AGGF1: variants seen among roughly 807,000 people sequenced by gnomAD.
The protein encoded by AGGF1 is angiogenic factor with G-patch and FHA domains 1.
A neutral mutation model predicts 86.5 loss-of-function variants in AGGF1; 56 were observed. The observed-to-expected ratio is 0.65, with a 90% CI of 0.52 to 0.81. AGGF1 has a LOEUF of 0.81. Among genes scored for constraint, AGGF1 ranks in the 30% least tolerant of loss-of-function variants. The probability of loss-of-function intolerance (pLI) is 0.00; values close to 1 mark genes in which losing one functional copy is unlikely to be tolerated. For synonymous variants in AGGF1, 313 were observed against 297.1 expected (o/e 1.05, Z -0.55); for missense variants, 816 against 850.9 (o/e 0.96, Z 0.51).
At chr5:77,051,290 A>G (rs1230330754) in intron 8 of AGGF1, among the ~76,000 whole-genome samples, 2 of 151,974 alleles carry the variant, frequency 1.3e-5, no homozygotes, top group Non-Finnish European at 2.9e-5. Flanking sequence ...AAAATTAGCC[A>G]GGTGTGGTGG....
chr5:77,059,025 A>G (rs1157313782), intron 11 of AGGF1, among the ~76,000 whole-genome samples: 1 of 152,186 alleles, frequency 6.6e-6, no homozygotes, highest in Non-Finnish European at 1.5e-5. Context: ...TGGGTTTTTT[A>G]AAAGTCTCTA....
chr5:77,062,350 G>A (rs1051380832), intron 13 of AGGF1, among the ~76,000 whole-genome samples: 2 of 152,194 alleles, frequency 1.3e-5, no homozygotes, highest in Non-Finnish European at 2.9e-5. Context: ...AGAAATAATA[G>A]ATGGATCAGT....
intron 9 of AGGF1, 27 bp from the exon 10 acceptor site, chr5:77,053,938 C>G (rs191193802): frequency 6.2e-7 from 1 of 1,611,654 alleles, no homozygotes; most frequent in Admixed American, 1.7e-5. Flanking sequence ...GTTTTGATTT[C>G]TGTTTTGTAA....
At chr5:77,034,320 A>G (rs1236051886) in intron 1 of AGGF1, 98 bp from the exon 2 acceptor site, 2 of 796,782 alleles carry the variant, frequency 2.5e-6, no homozygotes, top group East Asian at 2.6e-5. Flanking sequence ...TGCTCTTGAC[A>G]TTTCTCTAAA....
intron 5 of AGGF1, among the ~76,000 whole-genome samples, chr5:77,044,475 A>G (rs1747208272): frequency 6.6e-6 from 1 of 152,204 alleles, no homozygotes; most frequent in Non-Finnish European, 1.5e-5. Context: ...TAGGGGAGAT[A>G]GGAGTAAATA....
intron 10 of AGGF1, among the ~76,000 whole-genome samples, chr5:77,054,518 G>A (rs115271750): frequency 6.6e-6 from 1 of 152,138 alleles, no homozygotes; most frequent in Non-Finnish European, 1.5e-5. Context: ...AGACTGTAGT[G>A]GTAGTCAAAT....
In AGGF1 at chr5:77,055,677, A is replaced by G. The variant is rs542306116; in HGVS notation, c.1716+81A>G. The G allele has an allele frequency of 3.6e-4, 329 of 922,558 alleles. No homozygotes were observed. In the African/African-American group the frequency reaches 4.7e-3, roughly 13 times the overall value. The allele number at this position is 922,558 out of a possible 1,614,324, so 57.1% of individuals were successfully genotyped here. ...AAATGTCTTTAAATATGCTCAGTAC[A>G]TTTTATATATAAATAGTTGTGTAGT... On this transcript the variant is annotated intron_variant, in intron 11 of 13. Transcript: ENST00000312916.
At chr5:77,042,518 G>A (rs1355570278) in intron 5 of AGGF1, among the ~76,000 whole-genome samples, 10 of 82,286 alleles carry the variant, frequency 1.2e-4, no homozygotes, top group African/African-American at 3.2e-4. Flanking sequence ...CCTCCCGGAC[G>A]GGGCGGCTGG....
In AGGF1 at chr5:77,035,548, T is replaced by C. The variant is rs1228829006; in HGVS notation, c.321T>C (p.Phe107=). 6.2e-7 allele frequency: 1 copy of C among 1,611,066 alleles called. No individual in the cohort carries two copies. ...NHAPWSISDY[F]YQTYYNDVSL... is the part of the protein sequence containing the mutation. ...TTCATTTTTTTGCTACAGATTATTT[T>C]TATCAGACGTACTACAATGACGTTA... Residue 107 remains phenylalanine (F), a synonymous_variant, in exon 3 of 14, where the codon TTT becomes TTC. Coordinates refer to ENST00000312916, the MANE Select transcript of AGGF1 (RefSeq NM_018046.5).
Position 77,063,346 on chromosome 5 carries a change from C to G in AGGF1, c.*94C>G. 1 of 1,261,360 alleles carries G rather than the reference C, an allele frequency of 7.9e-7. No individual in the cohort carries two copies. Among genetic ancestry groups the G allele is most frequent in the Non-Finnish European group, 1.1e-6 (1 of 893,702 alleles). 78.1% of individuals were successfully genotyped at this position (1,261,360 alleles called of 1,614,324 possible). On this transcript the variant is annotated 3_prime_UTR_variant, in exon 14 of 14. Coordinates refer to ENST00000312916, the MANE Select transcript of AGGF1 (RefSeq NM_018046.5). Reference sequence around the variant, plus strand: ...CAAAAGAATCAGCAGCACAGGGGAACTATGTCACAGTTTACCTCTTCCTGA... The same window carrying G: ...CAAAAGAATCAGCAGCACAGGGGAAGTATGTCACAGTTTACCTCTTCCTGA...
chr5:77,052,627 ACAT>A (rs1326086764), intron 8 of AGGF1, 76 bp from the exon 9 acceptor site: 6 of 972,544 alleles, frequency 6.2e-6, no homozygotes, highest in Non-Finnish European at 9.4e-6. Flanking sequence ...GCTCAAGTTA[ACAT>A]CATCATATCA....
chr5:77,034,412 T>C lies in AGGF1; in HGVS notation c.211-6T>C. ...TTCTTTTTCCTAAAGCCTTGTTTTC[T>C]CTCAGGTGGAAGAACTCAGTAAAAT... On this transcript the variant is annotated splice_region_variant and splice_polypyrimidine_tract_variant and intron_variant, in intron 1 of 13. Coordinates refer to ENST00000312916, the MANE Select transcript of AGGF1 (RefSeq NM_018046.5). 6.3e-7 allele frequency: 1 copy of C among 1,580,306 alleles called. No individual in the cohort carries two copies. The highest frequency in any genetic ancestry group is 8.7e-7 in the Non-Finnish European group (1 of 1,149,346).
intron 13 of AGGF1, among the ~76,000 whole-genome samples, chr5:77,062,301 T>C (rs1747575094): frequency 2.0e-5 from 3 of 152,212 alleles, no homozygotes; most frequent in Admixed American, 2.0e-4. Context: ...ATAAGTAACC[T>C]GACTGTAGAA....
At chr5:77,040,420 TA>T (rs11320289) in intron 5 of AGGF1, among the ~76,000 whole-genome samples, 16,291 of 139,226 alleles carry the variant, frequency 0.12, 958 homozygotes, top group East Asian at 0.29. Context: ...AGGAAAATAT[TA>T]AAAAAAAAAA....
intron 7 of AGGF1, among the ~76,000 whole-genome samples, chr5:77,048,706 T>C (rs1747318120): frequency 6.6e-6 from 1 of 152,192 alleles, no homozygotes; most frequent in South Asian, 2.1e-4. Flanking sequence ...ATGCAAAATG[T>C]CTACCCAAAG....
chr5:77,064,789 T>C lies in AGGF1; in HGVS notation c.*1537T>C, dbSNP rs1269468212. The C allele has an allele frequency of 6.6e-6, 1 of 152,232 alleles. No individual in the cohort carries two copies. Among genetic ancestry groups the C allele is most frequent in the East Asian group, 1.9e-4 (1 of 5,206 alleles). The allele number at this position is 152,232 out of a possible 1,614,324, so 9.4% of individuals were successfully genotyped here. On this transcript the variant is annotated 3_prime_UTR_variant, in exon 14 of 14. Transcript: ENST00000312916. ...GGTGCCCTGTATATATGTAACAATA[T>C]AGGACCCCTCCAAATAGGTTTTGCT...
intron 13 of AGGF1, among the ~76,000 whole-genome samples, chr5:77,062,205 GAAT>G (rs1747574016): frequency 6.6e-6 from 1 of 152,186 alleles, no homozygotes; most frequent in Admixed American, 6.5e-5. Flanking sequence ...GAAATATAGA[GAAT>G]AATCTCTGGA....
At chr5:77,032,628 C>T (rs1210099605) in intron 1 of AGGF1, among the ~76,000 whole-genome samples, 3 of 149,376 alleles carry the variant, frequency 2.0e-5, no homozygotes, top group African/African-American at 7.4e-5. Flanking sequence ...TTTTACATGA[C>T]AGCCTTTTGA....
intron 1 of AGGF1, among the ~76,000 whole-genome samples, chr5:77,031,738 T>C (rs1165836660): frequency 6.6e-6 from 1 of 152,012 alleles, no homozygotes; most frequent in African/African-American, 2.4e-5. Flanking sequence ...GCCGGGCGTC[T>C]CTACTAAATA....
Sources: allele counts gnomAD v4.1 joint callset (sites outside exome capture counted in the v4.1 genomes callset), GRCh38; gene constraint gnomAD v4.1.1; transcripts MANE v1.5; gene names NCBI Gene and HGNC (gene_info 2026-07-23, HGNC 2026-07-21).